FAAP20: variants seen among roughly 807,000 people sequenced by gnomAD.
FAAP20 encodes Fanconi anemia core complex-associated protein 20.
In FAAP20, 12 loss-of-function variants were observed where a neutral mutation model predicts 16.2. That is an observed-to-expected ratio of 0.74 (90% CI 0.48 to 1.20). FAAP20 has a LOEUF of 1.20. FAAP20 is among the 50% of genes most tolerant of loss of function. The pLI is 0.00. For synonymous variants in FAAP20, 141 were observed against 110.7 expected, an observed-to-expected ratio of 1.27 and a Z score of -1.72; for missense variants, 288 against 245.8, an observed-to-expected ratio of 1.17 and a Z score of -1.15.
upstream of FAAP20, chr1:2,198,126 G>T (rs745743498): frequency 6.2e-5 from 80 of 1,290,866 alleles, no homozygotes; most frequent in Non-Finnish European, 8.1e-5. Context: ...ATCTGCTGCT[G>T]TGGTGACGGA....
intron 3 of FAAP20, chr1:2,193,415 G>T: frequency 1.5e-6 from 1 of 671,032 alleles, no homozygotes; most frequent in Non-Finnish European, 2.4e-6. Context: ...TGTTCTGTGG[G>T]CCCCCAGCCT....
chr1:2,192,588 G>T (rs903379632), intron 3 of FAAP20: 6 of 1,077,522 alleles, frequency 5.6e-6, no homozygotes, highest in Non-Finnish European at 1.1e-6. Flanking sequence ...TCAGCCAAGA[G>T]CATGGATTTC....
chr1:2,204,373 C>T (rs1422178023), upstream of FAAP20, among the ~76,000 whole-genome samples: 1 of 152,260 alleles, frequency 6.6e-6, no homozygotes, highest in Admixed American at 6.5e-5. Context: ...GGATTTGCCC[C>T]CTTCTGGGAC....
chr1:2,193,945 T>C, intron 2 of FAAP20, 35 bp from the exon 3 acceptor site: 1 of 1,612,276 alleles, frequency 6.2e-7, no homozygotes, highest in Non-Finnish European at 8.5e-7. Flanking sequence ...TGCCCAGCGA[T>C]GGCTCCCGCC....
chr1:2,186,920 A>T (rs262684), downstream of FAAP20: 10 of 242,718 alleles, frequency 4.1e-5, no homozygotes, highest in Non-Finnish European at 7.7e-5. Flanking sequence ...TGCTGTGCTC[A>T]TCAGAGGGGA....
At chr1:2,211,869 G>A (rs1689456753), downstream of FAAP20, among the ~76,000 whole-genome samples, 1 of 150,026 alleles carries the variant, frequency 6.7e-6, no homozygotes, top group Non-Finnish European at 1.5e-5. Flanking sequence ...ACAGGCGTGA[G>A]CCACCGTGCC....
At chr1:2,192,660 C>T (rs1572110011) in intron 3 of FAAP20, 1 of 1,189,920 alleles carries the variant, frequency 8.4e-7, no homozygotes, top group Non-Finnish European at 1.1e-6. Context: ...GTCACCCAGG[C>T]TGGAGTGCAG....
intron 3 of FAAP20, chr1:2,190,727 T>G: frequency 3.2e-6 from 1 of 311,240 alleles, no homozygotes; most frequent in South Asian, 2.7e-5. Flanking sequence ...CCCATCAGAG[T>G]GACCATCCCT....
chr1:2,186,849 C>T (rs1687661125), downstream of FAAP20: 3 of 169,770 alleles, frequency 1.8e-5, no homozygotes, highest in South Asian at 2.2e-4. Context: ...TAAATACTGC[C>T]GTGTTGCCAG....
chr1:2,209,241 C>T (rs1396960251), downstream of FAAP20, among the ~76,000 whole-genome samples: 1 of 152,174 alleles, frequency 6.6e-6, no homozygotes, highest in Non-Finnish European at 1.5e-5. Flanking sequence ...GCTGCTGGCC[C>T]CCGCCCCGAA....
chr1:2,192,765 C>A, intron 3 of FAAP20: 1 of 1,099,792 alleles, frequency 9.1e-7, no homozygotes, highest in Admixed American at 2.4e-5. Flanking sequence ...AGGCACGCGC[C>A]ACCACGCCCA....
At chr1:2,186,285 G>A, downstream of FAAP20, 1 of 272,852 alleles carries the variant, frequency 3.7e-6, no homozygotes, top group Non-Finnish European at 7.6e-6. Context: ...CAAGTTAGGA[G>A]GTCTGTGCCG....
chr1:2,193,061 T>G, intron 3 of FAAP20: 1 of 1,257,860 alleles, frequency 8.0e-7, no homozygotes, highest in South Asian at 1.3e-5. Flanking sequence ...CAACCAAAAG[T>G]TACGAACCAG....
intron 3 of FAAP20, 136 bp downstream of exon 3, chr1:2,193,503 C>G: frequency 7.4e-7 from 1 of 1,357,292 alleles, no homozygotes; most frequent in Admixed American, 2.4e-5. Context: ...CAGGCCACAG[C>G]ACTGGGCCAC....
upstream of FAAP20, chr1:2,198,118 C>G (rs1405015004): frequency 7.7e-7 from 1 of 1,291,106 alleles, no homozygotes; most frequent in East Asian, 5.5e-5. Flanking sequence ...TCGGAGCCAT[C>G]TGCTGCTGTG....
At chr1:2,187,018 C>A, downstream of FAAP20, 1 of 315,600 alleles carries the variant, frequency 3.2e-6, no homozygotes, top group Non-Finnish European at 6.7e-6. Flanking sequence ...TTGCTAATGG[C>A]TCCGGTCACG....
intron 3 of FAAP20, among the ~76,000 whole-genome samples, chr1:2,205,834 G>C (rs1003112833): frequency 6.6e-6 from 1 of 152,274 alleles, no homozygotes. Flanking sequence ...AGCGCAGGGG[G>C]AGGCTGGGAA....
At chr1:2,186,265 C>T (rs139589655), downstream of FAAP20, 585 of 278,778 alleles carry the variant, frequency 2.1e-3, 1 homozygote, top group Admixed American at 3.5e-3. Flanking sequence ...GGAAGAGAGA[C>T]GTAAAACCCC....
chr1:2,206,915 T>C (rs1257527315), intron 1 of FAAP20, among the ~76,000 whole-genome samples: 1 of 151,042 alleles, frequency 6.6e-6, no homozygotes, highest in African/African-American at 2.4e-5. Context: ...TGGCTCCCCA[T>C]GCAGCCAGCT....
Sources: gnomAD v4.1 joint callset for allele counts (sites outside exome capture counted in the v4.1 genomes callset) on GRCh38, gnomAD v4.1.1 for gene constraint, MANE v1.5 for transcripts, NCBI Gene and HGNC (gene_info 2026-07-23, HGNC 2026-07-21) for gene names.